PIP4K2B: variants seen among roughly 807,000 people sequenced by gnomAD.
PIP4K2B encodes the protein phosphatidylinositol 5-phosphate 4-kinase type-2 beta.
In PIP4K2B, 3 loss-of-function variants were observed where a neutral mutation model predicts 42.0. That is an observed-to-expected ratio of 0.07 (90% CI 0.03 to 0.18). The LOEUF (loss-of-function observed/expected upper bound fraction) is 0.18, where lower values mean the gene tolerates loss of function less well. PIP4K2B is among the 10% of genes least tolerant of loss of function. The pLI is 1.00. For missense variants in PIP4K2B, 332 were observed against 562.3 expected (o/e 0.59, Z 4.14); for synonymous variants, 204 against 210.1 (o/e 0.97, Z 0.25).
At chr17:38,777,386 C>T (rs1909420695) in intron 7 of PIP4K2B, among the ~76,000 whole-genome samples, 1 of 152,174 alleles carries the variant, frequency 6.6e-6, no homozygotes, top group Admixed American at 6.5e-5. Flanking sequence ...GCCAGATGCC[C>T]TCTCCATTGT....
chr17:38,798,989 A>G (rs1156439322), intron 1 of PIP4K2B, among the ~76,000 whole-genome samples: 1 of 152,168 alleles, frequency 6.6e-6, no homozygotes, highest in Non-Finnish European at 1.5e-5. Flanking sequence ...TTTGCGCTCC[A>G]TGGGCTGCCC....
intron 1 of PIP4K2B, among the ~76,000 whole-genome samples, chr17:38,788,177 A>AATTAATTT (rs1221140771): frequency 1.4e-5 from 2 of 144,338 alleles, no homozygotes; most frequent in Admixed American, 7.0e-5. Context: ...TAATAGATTA[A>AATTAATTT]ATTTATTTAT....
At position 38,799,099 on chromosome 17, in the gene PIP4K2B, G is replaced by A. The variant is rs114994197; in HGVS notation, c.159+167C>T. On this transcript the variant is annotated intron_variant, in intron 1 of 9. Transcript: ENST00000619039. This position sits in a 1 kb window ranked among gnomAD's most constrained non-coding sequence, Gnocchi z 4.4. The stretch of plus-strand genomic sequence containing the variant: ...CACCAGGCCTCGCGTGGCGTGCGGG[G>A]AGTGCACACGGGGCCGAAAGGCGTG... 9.1e-3 allele frequency among the ~76,000 whole-genome samples: 1,392 copies of A among 152,212 alleles called. 26 individuals are homozygous for A. Among genetic ancestry groups the A allele is most frequent in the African/African-American group, 0.032 (1,327 of 41,536 alleles).
At chr17:38,788,807 G>C (rs925132421) in intron 1 of PIP4K2B, among the ~76,000 whole-genome samples, 3 of 152,134 alleles carry the variant, frequency 2.0e-5, no homozygotes, top group East Asian at 3.9e-4. Flanking sequence ...AAAAAAATTA[G>C]CTGGGTGTGG....
intron 2 of PIP4K2B, among the ~76,000 whole-genome samples, chr17:38,786,171 G>C (rs116371210): frequency 1.1e-3 from 161 of 152,346 alleles, no homozygotes; most frequent in African/African-American, 3.7e-3. Context: ...GCAGAAAGGA[G>C]AAAGTGTAAG....
chr17:38,776,463 G>A (rs935014446), intron 7 of PIP4K2B: 8 of 296,412 alleles, frequency 2.7e-5, no homozygotes, highest in Non-Finnish European at 4.7e-5. Context: ...TATACTTAAT[G>A]CCACTCAACT....
At chr17:38,795,969 T>C (rs1406248642) in intron 1 of PIP4K2B, among the ~76,000 whole-genome samples, 2 of 151,394 alleles carry the variant, frequency 1.3e-5, no homozygotes, top group East Asian at 3.9e-4. Flanking sequence ...TGAAACCTTG[T>C]CTCTACTAAA....
At chr17:38,795,469 G>C (rs1408286321) in intron 1 of PIP4K2B, among the ~76,000 whole-genome samples, 2 of 152,144 alleles carry the variant, frequency 1.3e-5, no homozygotes, top group Admixed American at 1.3e-4. Flanking sequence ...AAAATGTACA[G>C]GCCAGGCACA....
Position 38,777,691 on chromosome 17 carries a change from A to G in PIP4K2B, c.803T>C (p.Val268Ala), listed in dbSNP as rs779320705. ...AAAATGAAGGTTAGTAAGTACCTCAACGTCCCGCTTCAGTTTCTCCAGGAA... is the reference window on the plus strand; with the variant it reads ...AAAATGAAGGTTAGTAAGTACCTCAGCGTCCCGCTTCAGTTTCTCCAGGAA... ...KNFLEKLKRD[V>A]EFLAQLKIMD... The change falls in exon 7 of 10, where the codon GTT (valine) becomes GCT (alanine). Residue 268 changes from valine (V) to alanine (A), a missense_variant. Coordinates refer to ENST00000619039, the MANE Select transcript of PIP4K2B (RefSeq NM_003559.5). 128 of 1,606,848 alleles carry G rather than the reference A, an allele frequency of 8.0e-5. No individual in the cohort carries two copies. The highest frequency in any genetic ancestry group is 1.1e-4 in the Non-Finnish European group (128 of 1,173,494).
intron 6 of PIP4K2B, among the ~76,000 whole-genome samples, 178 bp from the exon 7 acceptor site, chr17:38,777,978 G>A (rs1909461874): frequency 6.6e-6 from 1 of 152,186 alleles, no homozygotes; most frequent in Admixed American, 6.5e-5. Context: ...GGGTGGGCAG[G>A]GAGGGCAAAC....
chr17:38,784,938 C>A (rs1046362472), intron 2 of PIP4K2B, among the ~76,000 whole-genome samples: 1 of 152,170 alleles, frequency 6.6e-6, no homozygotes, highest in African/African-American at 2.4e-5. Flanking sequence ...CAAGGAAAAA[C>A]CTCTCTCATC....
rs1908848252 is a variant in PIP4K2B, at chr17:38,768,748, C to T, written c.*943G>A. Reference sequence around the variant, plus strand: ...AGGGCCTCATTTGATACATCAGTTTCTGAAGTTTTCCCAAAGGGAAATAAC... The same window carrying T: ...AGGGCCTCATTTGATACATCAGTTTTTGAAGTTTTCCCAAAGGGAAATAAC... On this transcript the variant is annotated 3_prime_UTR_variant, in exon 10 of 10. Transcript: ENST00000619039. The T allele has an allele frequency of 6.6e-6, 1 of 152,326 alleles. No individual in the cohort carries two copies. The highest frequency in any genetic ancestry group is 2.4e-5 in the African/African-American group (1 of 41,458). The allele number at this position is 152,326 out of a possible 1,614,324, so 9.4% of individuals were successfully genotyped here.
chr17:38,775,324 C>T (rs897938867), intron 7 of PIP4K2B, among the ~76,000 whole-genome samples: 2 of 152,118 alleles, frequency 1.3e-5, no homozygotes, highest in African/African-American at 4.8e-5. Flanking sequence ...ATGATCATAG[C>T]TCACCACAAC....
chr17:38,790,996 GGGA>G (rs1910313092), intron 1 of PIP4K2B, among the ~76,000 whole-genome samples: 1 of 152,118 alleles, frequency 6.6e-6, no homozygotes, highest in Non-Finnish European at 1.5e-5. Context: ...GTAGGTGTGT[GGGA>G]GGAGGAGAAC....
chr17:38,783,510 G>A (rs1200077176), intron 3 of PIP4K2B, among the ~76,000 whole-genome samples: 1 of 152,132 alleles, frequency 6.6e-6, no homozygotes, highest in African/African-American at 2.4e-5. Flanking sequence ...ACTCATACCT[G>A]GCAAGAGGTT....
At chr17:38,784,670 A>C (rs557684646) in intron 2 of PIP4K2B, among the ~76,000 whole-genome samples, 4 of 152,226 alleles carry the variant, frequency 2.6e-5, no homozygotes, top group Non-Finnish European at 5.9e-5. Flanking sequence ...CAAACACTCC[A>C]GGTGATTCTG....
At chr17:38,782,166 CTG>C (rs1909752392) in intron 3 of PIP4K2B, among the ~76,000 whole-genome samples, 1 of 152,210 alleles carries the variant, frequency 6.6e-6, no homozygotes, top group African/African-American at 2.4e-5. Flanking sequence ...TGAGTAGACT[CTG>C]TGACTGAGCG....
At chr17:38,790,615 T>C (rs1910295085) in intron 1 of PIP4K2B, among the ~76,000 whole-genome samples, 1 of 152,168 alleles carries the variant, frequency 6.6e-6, no homozygotes, top group African/African-American at 2.4e-5. Context: ...CATGTCACCA[T>C]GCCCTGCTAA....
intron 1 of PIP4K2B, among the ~76,000 whole-genome samples, chr17:38,798,064 G>C (rs535956721): frequency 6.6e-6 from 1 of 152,146 alleles, no homozygotes; most frequent in East Asian, 1.9e-4. Flanking sequence ...ACGGTTCATC[G>C]ATCTCCACCC....
Sources: gnomAD v4.1 joint callset for allele counts (sites outside exome capture counted in the v4.1 genomes callset) on GRCh38, gnomAD v4.1.1 for gene constraint, Gnocchi (gnomAD v3.1) non-coding constraint, MANE v1.5 for transcripts, NCBI Gene and HGNC (gene_info 2026-07-23, HGNC 2026-07-21) for gene names.